The following BBS4 variants were observed in gnomAD, a reference collection of about 807,000 sequenced individuals.
The protein encoded by BBS4 is Bardet-Biedl syndrome 4.
A neutral mutation model predicts 71.4 loss-of-function variants in BBS4; 58 were observed. That is an observed-to-expected ratio of 0.81 (90% confidence interval 0.66 to 1.01). The LOEUF (loss-of-function observed/expected upper bound fraction) is 1.01. Ranked by LOEUF, BBS4 falls within the 50% of genes least tolerant of loss-of-function variation. The probability of loss-of-function intolerance (pLI) is 0.00; values close to 1 mark genes in which losing one functional copy is unlikely to be tolerated. For synonymous variants in BBS4, 228 were observed against 216.8 expected (o/e 1.05, Z -0.46); for missense variants, 660 against 607.9 (o/e 1.09, Z -0.90).
rs2065118449 is a variant in BBS4, at chr15:72,698,606, T to C, written c.76+3378T>C. ...TGAATAATATTCTAGTGTATGTATA[T>C]ATCACATTTTGTTTATCTGTCTGTT... On this transcript the variant is annotated intron_variant, in intron 2 of 15. Coordinates refer to ENST00000268057, the MANE Select transcript of BBS4 (RefSeq NM_033028.5). 2.0e-5 allele frequency among the ~76,000 whole-genome samples: 3 copies of C among 152,216 alleles called. No homozygotes were observed. In the South Asian group the frequency reaches 6.2e-4, roughly 32 times the overall value.
intron 2 of BBS4, among the ~76,000 whole-genome samples, chr15:72,701,385 TA>T (rs2065165797): frequency 2.6e-5 from 4 of 152,220 alleles, no homozygotes; most frequent in Admixed American, 6.5e-5. Context: ...ACATTTGGGA[TA>T]TTTTTATTGT....
In BBS4 at chr15:72,730,133, C is replaced by T. The variant is rs568621991; in HGVS notation, c.711+449C>T. 1.4e-3 allele frequency among the ~76,000 whole-genome samples: 207 copies of T among 151,852 alleles called. 1 individual carries two copies. The highest frequency in any genetic ancestry group is 1.6e-3 in the Non-Finnish European group (112 of 67,964). ...CTACTAAAAATACAAAAAAATTAGC[C>T]GGGCGTGGTGGCGGGCGCCTGTAGT... On this transcript the variant is annotated intron_variant, in intron 10 of 15. Transcript: ENST00000268057.
chr15:72,712,367 A>AC (rs1412606336), intron 4 of BBS4, 60 bp downstream of exon 4: 1 of 1,509,630 alleles, frequency 6.6e-7, no homozygotes, highest in Admixed American at 1.7e-5. Context: ...GGTTCTTGAA[A>AC]AAGATCAGGC....
intron 4 of BBS4, among the ~76,000 whole-genome samples, chr15:72,713,314 G>GACACACACAC (rs36072427): frequency 0.046 from 6,531 of 143,410 alleles, 201 homozygotes; most frequent in Admixed American, 0.074. Flanking sequence ...AGGTCTTTGT[G>GACACACACAC]ACACACACAC....
chr15:72,686,290 G>T, intron 1 of BBS4, 39 bp downstream of exon 1: 1 of 1,556,442 alleles, frequency 6.4e-7, no homozygotes, highest in Non-Finnish European at 8.7e-7. Flanking sequence ...CGGCCGCAGG[G>T]CAAGGCAAGC....
intron 6 of BBS4, among the ~76,000 whole-genome samples, chr15:72,717,641 A>C (rs2065491034): frequency 6.6e-6 from 1 of 152,118 alleles, no homozygotes; most frequent in East Asian, 1.9e-4. Context: ...AGGCTGGTTA[A>C]ATGTCGTTTT....
intron 9 of BBS4, among the ~76,000 whole-genome samples, chr15:72,729,353 C>T (rs371188308): frequency 2.7e-5 from 4 of 149,516 alleles, no homozygotes; most frequent in Non-Finnish European, 3.0e-5. Flanking sequence ...TGGGTTCAAG[C>T]GATTCTCCTG....
intron 1 of BBS4, among the ~76,000 whole-genome samples, chr15:72,687,789 G>A (rs553294788): frequency 1.4e-4 from 21 of 151,368 alleles, no homozygotes; most frequent in Admixed American, 1.3e-3. Context: ...AAATTAGCTG[G>A]ACGTGGTGGC....
At chr15:72,721,184 C>T (rs1275379576) in intron 6 of BBS4, among the ~76,000 whole-genome samples, 1 of 152,030 alleles carries the variant, frequency 6.6e-6, no homozygotes, top group Non-Finnish European at 1.5e-5. Context: ...TTTAAATGTG[C>T]GGCATTTGTG....
chr15:72,703,010 C>G (rs1182112984), intron 2 of BBS4, among the ~76,000 whole-genome samples: 5 of 148,672 alleles, frequency 3.4e-5, no homozygotes, highest in Non-Finnish European at 7.4e-5. Context: ...GGGGTTTCAC[C>G]TTTTTTTAGC....
intron 2 of BBS4, among the ~76,000 whole-genome samples, chr15:72,706,730 C>T (rs1203361004): frequency 1.3e-5 from 2 of 152,150 alleles, no homozygotes; most frequent in Non-Finnish European, 2.9e-5. Context: ...TTTCTTGTTC[C>T]TGGCATGTAA....
chr15:72,701,577 A>ATG (rs1355395495), intron 2 of BBS4, among the ~76,000 whole-genome samples: 1 of 149,512 alleles, frequency 6.7e-6, no homozygotes, highest in African/African-American at 2.5e-5. Context: ...AGGTGTACAA[A>ATG]CGCACACACA....
At chr15:72,688,430 T>TTTTTTTTC (rs1285460524) in intron 1 of BBS4, among the ~76,000 whole-genome samples, 11 of 144,554 alleles carry the variant, frequency 7.6e-5, no homozygotes, top group African/African-American at 2.6e-4. Context: ...TTTTTTTTTT[T>TTTTTTTTC]TGAGACGGAG....
chr15:72,686,568 A>G, intron 1 of BBS4: 1 of 1,438,298 alleles, frequency 7.0e-7, no homozygotes, highest in Non-Finnish European at 9.2e-7. Flanking sequence ...TTGGAAGGTA[A>G]TGACTAGCAC....
At chr15:72,727,782 C>G (rs1264225818) in intron 8 of BBS4, among the ~76,000 whole-genome samples, 158 bp from the exon 9 acceptor site, 1 of 152,178 alleles carries the variant, frequency 6.6e-6, no homozygotes, top group Non-Finnish European at 1.5e-5. Flanking sequence ...AGATGACCTA[C>G]TTTTGATGGC....
rs2065773503 is a variant in BBS4, at chr15:72,729,662, C to T, written c.689C>T (p.Thr230Ile). ...TTTGAACATCTTGGCAATGCACTGA[C>T]TTATGACCCTACCAACTACAAGGTA... ...KAFEHLGNAL[T>I]YDPTNYKAIL... The change falls in exon 10 of 16, where the codon ACT (threonine) becomes ATT (isoleucine). Residue 230 changes from threonine to isoleucine, a missense_variant. Coordinates refer to ENST00000268057, the MANE Select transcript of BBS4 (RefSeq NM_033028.5). The T allele has an allele frequency of 1.2e-6, 2 of 1,613,966 alleles. No homozygotes were observed. Among genetic ancestry groups the T allele is most frequent in the Admixed American group, 1.7e-5 (1 of 59,998 alleles).
At chr15:72,731,203 A>G in intron 10 of BBS4, 102 bp from the exon 11 acceptor site, 2 of 1,465,090 alleles carry the variant, frequency 1.4e-6, no homozygotes, top group East Asian at 2.3e-5. Context: ...TTCCAGTCCC[A>G]TCTATGCTGA....
chr15:72,722,203 C>G (rs913751734), intron 6 of BBS4, among the ~76,000 whole-genome samples: 1 of 152,150 alleles, frequency 6.6e-6, no homozygotes, highest in Admixed American at 6.5e-5. Context: ...CATAGTTTTC[C>G]CATGTCAGCT....
In BBS4 at chr15:72,731,635, G is replaced by T. The variant is rs747763560; in HGVS notation, c.945G>T (p.Leu315Phe). The T allele has an allele frequency of 6.2e-7, 1 of 1,614,198 alleles. No homozygotes were observed. Among genetic ancestry groups the T allele is most frequent in the South Asian group, 1.1e-5 (1 of 91,080 alleles). The change falls in exon 12 of 16, where the codon TTG becomes TTT. Residue 315 changes from leucine to phenylalanine, a missense_variant. Physicochemically the swap from Leu to Phe is conservative, Grantham distance 22. Transcript: ENST00000268057. ...TGTATAATTTGGGCCTTGTCCATTTGACCATGCAGCAGTATGCATCAGCTT... is the reference window on the plus strand; with the variant it reads ...TGTATAATTTGGGCCTTGTCCATTTTACCATGCAGCAGTATGCATCAGCTT... ...KILYNLGLVHLTMQQYASAFH... is the reference protein window; with the variant it reads ...KILYNLGLVHFTMQQYASAFH...
Sources: gnomAD v4.1 joint callset for allele counts (sites outside exome capture counted in the v4.1 genomes callset) on GRCh38, gnomAD v4.1.1 for gene constraint, MANE v1.5 for transcripts, NCBI Gene and HGNC (gene_info 2026-07-23, HGNC 2026-07-21) for gene names.